SPNS2: variants seen among roughly 807,000 people sequenced by gnomAD.
SPNS2 encodes sphingosine-1-phosphate transporter SPNS2.
SPNS2 carries 37 observed loss-of-function variants against 57.6 expected under a neutral mutation model. The observed-to-expected ratio is 0.64, with a 90% CI of 0.49 to 0.85. The LOEUF is 0.85. Among genes scored for constraint, SPNS2 ranks in the 40% least tolerant of loss-of-function variants. The probability of loss-of-function intolerance (pLI) is 0.00; values close to 1 mark genes in which losing one functional copy is unlikely to be tolerated. For synonymous variants in SPNS2, 440 were observed against 346.9 expected (o/e 1.27, Z -2.98); for missense variants, 831 against 779.1 (o/e 1.07, Z -0.79).
Position 4,499,013 on chromosome 17 carries a change from C to A in SPNS2, c.-35C>A, listed in dbSNP as rs1904359497. On this transcript the variant is annotated 5_prime_UTR_variant, in exon 1 of 13. Transcript: ENST00000329078. This position sits in a 1 kb window ranked among gnomAD's most constrained non-coding sequence, Gnocchi z 5.2. Reference sequence around the variant, plus strand: ...AGCGGGCCCAGCCTGGGCCCCGCGCCCCCCGCGCCCCCCGCCGCCCCGATC... The same window carrying A: ...AGCGGGCCCAGCCTGGGCCCCGCGCACCCCGCGCCCCCCGCCGCCCCGATC... 2.0e-6 allele frequency: 2 copies of A among 988,792 alleles called. No homozygotes were observed. The highest frequency in any genetic ancestry group is 4.7e-5 in the South Asian group (1 of 21,498). The allele number at this position is 988,792 out of a possible 1,614,324, so 61.3% of individuals were successfully genotyped here.
At position 4,538,706 on chromosome 17, in the gene SPNS2, C is replaced by A. The variant is rs1906023312; in HGVS notation, c.*1258C>A. 1.6e-6 allele frequency: 1 copy of A among 616,364 alleles called. No individual in the cohort carries two copies. The highest frequency in any genetic ancestry group is 2.9e-6 in the Non-Finnish European group (1 of 346,568). The allele number at this position is 616,364 out of a possible 1,614,324, so 38.2% of individuals were successfully genotyped here. ...AGCTTGGACAATGCTCTTCTTGCCC[C>A]TTAGTTACTGGCTGGCTGTGGCTTC... is the stretch of plus-strand genomic sequence containing the variant. On this transcript the variant is annotated 3_prime_UTR_variant, in exon 13 of 13. Transcript: ENST00000329078.
At position 4,498,936 on chromosome 17, in the gene SPNS2, G is replaced by C. The variant is rs1378686190; in HGVS notation, c.-112G>C. ...CCGGGGCCGGAGCGCAGGAGCCGAC[G>C]GGGCCCGACCAGGATGGTGCAGTGG... On this transcript the variant is annotated 5_prime_UTR_variant, in exon 1 of 13. Coordinates refer to ENST00000329078, the MANE Select transcript of SPNS2 (RefSeq NM_001124758.3). The C allele has an allele frequency of 3.7e-5, 22 of 599,522 alleles. No individual in the cohort carries two copies. The highest frequency in any genetic ancestry group is 4.2e-5 in the Non-Finnish European group (20 of 477,972). The allele number at this position is 599,522 out of a possible 1,614,324, so 37.1% of individuals were successfully genotyped here. A position where few individuals can be genotyped will look rare whatever the true frequency, so the allele number is the denominator to read the frequency against.
At chr17:4,536,030 G>T (rs372928162) in intron 9 of SPNS2, 46 bp from the exon 10 acceptor site, 3 of 1,566,716 alleles carry the variant, frequency 1.9e-6, no homozygotes, top group East Asian at 2.3e-5. Flanking sequence ...GGCCAAGCGC[G>T]TGAGCCTTTC....
intron 3 of SPNS2, among the ~76,000 whole-genome samples, chr17:4,527,804 T>C (rs1381872204): frequency 1.3e-5 from 2 of 152,236 alleles, no homozygotes; most frequent in Middle Eastern, 3.4e-3. Flanking sequence ...GGAGTGTAAA[T>C]TGGTAGAGGC....
At chr17:4,513,591 C>T (rs1350916498) in intron 2 of SPNS2, among the ~76,000 whole-genome samples, 3 of 152,208 alleles carry the variant, frequency 2.0e-5, no homozygotes, top group Admixed American at 1.3e-4. Context: ...TGAACTTTCT[C>T]TGGGTCCTGG....
Position 4,536,343 on chromosome 17 carries a change from C to T in SPNS2, c.1524C>T (p.Cys508=), listed in dbSNP as rs1442844627. ...GCCTGGGCTACGCGCTCATGCTCTG[C>T]CCTTTCGTCGTGGTCCTGGGCGGCA... is the stretch of plus-strand genomic sequence containing the variant. ...FLSLGYALML[C]PFVVVLGGMF... The change falls in exon 11 of 13, where the codon TGC becomes TGT. Residue 508 remains cysteine (C), a synonymous_variant. Coordinates refer to ENST00000329078, the MANE Select transcript of SPNS2 (RefSeq NM_001124758.3). 4 of 1,611,406 alleles carry T rather than the reference C, an allele frequency of 2.5e-6. No individual in the cohort carries two copies. The highest frequency in any genetic ancestry group is 3.4e-6 in the Non-Finnish European group (4 of 1,179,944).
chr17:4,538,106 G>A lies in SPNS2; in HGVS notation c.*658G>A, dbSNP rs1905968918. The A allele has an allele frequency of 9.0e-6, 3 of 333,472 alleles. No individual in the cohort carries two copies. Among genetic ancestry groups the A allele is most frequent in the East Asian group, 1.5e-4 (2 of 12,942 alleles). 20.7% of individuals were successfully genotyped at this position (333,472 alleles called of 1,614,324 possible). ...GTTGGCTCCCAGCCTGGAGGTCCCA[G>A]ATGGGGACTGTTCTGACAAGCTGGC... On this transcript the variant is annotated 3_prime_UTR_variant, in exon 13 of 13. Coordinates refer to ENST00000329078, the MANE Select transcript of SPNS2 (RefSeq NM_001124758.3).
rs1054542707 is a variant in SPNS2, at chr17:4,512,515, A to G, written c.371-732A>G. On this transcript the variant is annotated intron_variant, in intron 1 of 12. Coordinates refer to ENST00000329078, the MANE Select transcript of SPNS2 (RefSeq NM_001124758.3). This position sits in a 1 kb window ranked among gnomAD's most constrained non-coding sequence, Gnocchi z 5.2. Reference sequence around the variant, plus strand: ...GCTTGGAAGCGGGTGTGGCCTCAAGAAATCCACTTCTCCCAAGAAAACGGG... The same window carrying G: ...GCTTGGAAGCGGGTGTGGCCTCAAGGAATCCACTTCTCCCAAGAAAACGGG... Among the ~76,000 whole-genome samples, 1 of 151,876 alleles carries G rather than the reference A, an allele frequency of 6.6e-6. No homozygotes were observed. The highest frequency in any genetic ancestry group is 2.4e-5 in the African/African-American group (1 of 41,338).
chr17:4,528,511 G>A (rs1281444772), intron 3 of SPNS2, among the ~76,000 whole-genome samples: 1 of 152,042 alleles, frequency 6.6e-6, no homozygotes, highest in Admixed American at 6.6e-5. Flanking sequence ...CACCCAGGCT[G>A]GAGTGCAGTG....
intron 1 of SPNS2, among the ~76,000 whole-genome samples, chr17:4,501,108 C>A (rs781139142): frequency 6.6e-6 from 1 of 152,162 alleles, no homozygotes; most frequent in Non-Finnish European, 1.5e-5. Flanking sequence ...CCCTGTACAG[C>A]CCCCGTTCAA....
intron 3 of SPNS2, among the ~76,000 whole-genome samples, chr17:4,525,871 A>G (rs1905252191): frequency 6.6e-6 from 1 of 152,158 alleles, no homozygotes; most frequent in Non-Finnish European, 1.5e-5. Flanking sequence ...TCAGCCAGTC[A>G]TTGTTTCTGT....
chr17:4,522,328 G>T (rs866284366), intron 2 of SPNS2, among the ~76,000 whole-genome samples: 1 of 152,190 alleles, frequency 6.6e-6, no homozygotes, highest in African/African-American at 2.4e-5. Context: ...TGAGGTCACC[G>T]GCTGGGAAGG....
At position 4,499,015 on chromosome 17, in the gene SPNS2, C is replaced by T. The variant is rs1904359638; in HGVS notation, c.-33C>T. The T allele has an allele frequency of 4.0e-6, 4 of 994,292 alleles. No homozygotes were observed. The highest frequency in any genetic ancestry group is 4.8e-6 in the Non-Finnish European group (4 of 836,826). The allele number at this position is 994,292 out of a possible 1,614,324, so 61.6% of individuals were successfully genotyped here. On this transcript the variant is annotated 5_prime_UTR_variant, in exon 1 of 13. Coordinates refer to ENST00000329078, the MANE Select transcript of SPNS2 (RefSeq NM_001124758.3). This position sits in a 1 kb window ranked among gnomAD's most constrained non-coding sequence, Gnocchi z 5.2. Reference sequence around the variant, plus strand: ...CGGGCCCAGCCTGGGCCCCGCGCCCCCCGCGCCCCCCGCCGCCCCGATCCG... The same window carrying T: ...CGGGCCCAGCCTGGGCCCCGCGCCCTCCGCGCCCCCCGCCGCCCCGATCCG...
rs913626833 is a variant in SPNS2 at position 4,511,649 on chromosome 17, C to G, written c.371-1598C>G. On this transcript the variant is annotated intron_variant, in intron 1 of 12. Coordinates refer to ENST00000329078, the MANE Select transcript of SPNS2 (RefSeq NM_001124758.3). The surrounding 1 kb of genome is among the most constrained non-coding windows in gnomAD (Gnocchi z 4.6). ...TTGGCCCCGGCTTCTACCTTCAAGG[C>G]AAAGCCACAGCCTCTGCCTTGGTTA... 3.9e-5 allele frequency among the ~76,000 whole-genome samples: 6 copies of G among 152,202 alleles called. No homozygotes were observed. In the East Asian group the frequency reaches 1.2e-3, roughly 29 times the overall value.
At chr17:4,515,107 C>T (rs770168214) in intron 2 of SPNS2, among the ~76,000 whole-genome samples, 1 of 152,084 alleles carries the variant, frequency 6.6e-6, no homozygotes, top group Non-Finnish European at 1.5e-5. Context: ...GTTGGGGGCT[C>T]GGCTCAAGGC....
intron 3 of SPNS2, among the ~76,000 whole-genome samples, chr17:4,529,957 A>G (rs1905391760): frequency 6.6e-6 from 1 of 152,120 alleles, no homozygotes. Context: ...ATGGGTGGCC[A>G]GGGTGGGGCT....
chr17:4,538,834 T>C lies in SPNS2; in HGVS notation c.*1386T>C, dbSNP rs1007207143. ...GGGTGGCATCCTCCAAAGACCAGCCTCCACCCCCACTCCAGCCTCAGCGGG... is the reference window on the plus strand; with the variant it reads ...GGGTGGCATCCTCCAAAGACCAGCCCCCACCCCCACTCCAGCCTCAGCGGG... On this transcript the variant is annotated 3_prime_UTR_variant, in exon 13 of 13. Transcript: ENST00000329078. The C allele has an allele frequency of 9.0e-6, 7 of 777,096 alleles. No individual in the cohort carries two copies. The highest frequency in any genetic ancestry group is 1.7e-5 in the Non-Finnish European group (7 of 416,460). The allele number at this position is 777,096 out of a possible 1,614,324, so 48.1% of individuals were successfully genotyped here.
In SPNS2 at chr17:4,538,726, G is replaced by A. The variant is rs1247962786; in HGVS notation, c.*1278G>A. 1 of 658,088 alleles carries A rather than the reference G, an allele frequency of 1.5e-6. No individual in the cohort carries two copies. The highest frequency in any genetic ancestry group is 2.7e-6 in the Non-Finnish European group (1 of 369,696). 40.8% of individuals were successfully genotyped at this position (658,088 alleles called of 1,614,324 possible). On this transcript the variant is annotated 3_prime_UTR_variant, in exon 13 of 13. Transcript: ENST00000329078. ...TGCCCCTTAGTTACTGGCTGGCTGT[G>A]GCTTCAGTGGTGTGTAAGCAGGTGG...
At chr17:4,502,770 G>A (rs1039130792) in intron 1 of SPNS2, among the ~76,000 whole-genome samples, 1 of 152,176 alleles carries the variant, frequency 6.6e-6, no homozygotes, top group African/African-American at 2.4e-5. Flanking sequence ...TGCTCAAGCT[G>A]GCCACGATGC....
Sources: allele counts gnomAD v4.1 joint callset (sites outside exome capture counted in the v4.1 genomes callset), GRCh38; gene constraint gnomAD v4.1.1; non-coding constraint Gnocchi (gnomAD v3.1); transcripts MANE v1.5; gene names NCBI Gene and HGNC (gene_info 2026-07-23, HGNC 2026-07-21).